Variants in HEATR1 observed in about 807,000 individuals in gnomAD.
HEATR1 encodes HEAT repeat containing 1.
Under a neutral mutation model 248.2 loss-of-function variants are expected in HEATR1, and 77 were observed. The ratio of observed to expected loss-of-function variants is 0.31; its 90% CI spans 0.26 to 0.37. The LOEUF (loss-of-function observed/expected upper bound fraction) is 0.37, where lower values mean the gene tolerates loss of function less well. HEATR1 is among the 10% of genes least tolerant of loss of function. The pLI, the probability that HEATR1 is intolerant of heterozygous loss-of-function variation, is 1.00. For missense variants in HEATR1, 2,420 were observed against 2,504.9 expected (o/e 0.97, Z 0.72); for synonymous variants, 897 against 923.1 (o/e 0.97, Z 0.51).
chr1:236,604,216 A>C, intron 1 of HEATR1, 89 bp from the exon 2 acceptor site: 1 of 1,035,950 alleles, frequency 9.7e-7, no homozygotes, highest in Non-Finnish European at 1.3e-6. Context: ...CAGCACCGTC[A>C]TGGACACACA....
At chr1:236,604,162 G>A (rs1309470929) in intron 1 of HEATR1, 35 bp from the exon 2 acceptor site, 2 of 1,480,082 alleles carry the variant, frequency 1.4e-6, no homozygotes, top group Non-Finnish European at 1.8e-6. Context: ...AAGTTTCTAC[G>A]AAATTATAAG....
At position 236,583,370 on chromosome 1, in the gene HEATR1, G is replaced by A. The variant is rs143593051; in HGVS notation, c.2242-174C>T. ...AAAGAGGTTTATCACTATTCACAAG[G>A]AAAGACAAAGTTAAATTTTATCTAT... is the stretch of plus-strand genomic sequence containing the variant. On this transcript the variant is annotated intron_variant, in intron 17 of 44. Coordinates refer to ENST00000366582, the MANE Select transcript of HEATR1 (RefSeq NM_018072.6). 4.7e-4 allele frequency among the ~76,000 whole-genome samples: 72 copies of A among 152,124 alleles called. 1 individual carries two copies. The highest frequency in any genetic ancestry group is 1.7e-3 in the African/African-American group (71 of 41,496).
chr1:236,599,031 T>C (rs1664249178), intron 4 of HEATR1, among the ~76,000 whole-genome samples: 1 of 152,234 alleles, frequency 6.6e-6, no homozygotes, highest in African/African-American at 2.4e-5. Context: ...TTGAAACCCC[T>C]GAAGTTATCC....
rs191931077 is a variant in HEATR1, at chr1:236,549,535, T to A, written c.*1367A>T. ...AATACCATTGTCAATCTTATTTTTTTAAAAGTACTCAGTGTAGAAATCGCT... is the reference window on the plus strand; with the variant it reads ...AATACCATTGTCAATCTTATTTTTTAAAAAGTACTCAGTGTAGAAATCGCT... On this transcript the variant is annotated 3_prime_UTR_variant, in exon 45 of 45. Transcript: ENST00000366582. The A allele has an allele frequency of 6.6e-6, 1 of 152,360 alleles. No individual in the cohort carries two copies. Among genetic ancestry groups the A allele is most frequent in the African/African-American group, 2.4e-5 (1 of 41,588 alleles). The allele number at this position is 152,360 out of a possible 1,614,324, so 9.4% of individuals were successfully genotyped here. A position where few individuals can be genotyped will look rare whatever the true frequency, so the allele number is the denominator to read the frequency against.
intron 36 of HEATR1, 83 bp downstream of exon 36, chr1:236,558,152 GAA>G (rs143450994): frequency 1.7e-3 from 1,896 of 1,105,190 alleles, no homozygotes; most frequent in South Asian, 2.8e-3. Flanking sequence ...CTACTCAGAG[GAA>G]AAAAAAAAAA....
chr1:236,578,225 G>A (rs143709419), intron 20 of HEATR1, among the ~76,000 whole-genome samples: 86 of 152,284 alleles, frequency 5.6e-4, no homozygotes, highest in African/African-American at 1.7e-3. Context: ...TGAGGTTGGA[G>A]TCAAACTTCC....
rs571363919 is a variant in HEATR1 at position 236,585,457 on chromosome 1, A to G, written c.2050-241T>C. Among the ~76,000 whole-genome samples, 76 of 152,310 alleles carry G rather than the reference A, an allele frequency of 5.0e-4. 2 individuals are homozygous for G. The South Asian group carries it at 0.015, about 30-fold the overall frequency. On this transcript the variant is annotated intron_variant, in intron 16 of 44. Transcript: ENST00000366582. ...ATTTAAATCACACATCTAATCCTTTACAAAGGTTTATTTAATAAGGCAAAG... is the reference window on the plus strand; with the variant it reads ...ATTTAAATCACACATCTAATCCTTTGCAAAGGTTTATTTAATAAGGCAAAG...
At chr1:236,553,784 T>C (rs772227503) in intron 42 of HEATR1, 45 bp from the exon 43 acceptor site, 11 of 1,556,336 alleles carry the variant, frequency 7.1e-6, no homozygotes, top group Non-Finnish European at 9.6e-6. Flanking sequence ...GTCTCATTTC[T>C]TTCTTCTGTT....
intron 31 of HEATR1, 55 bp from the exon 32 acceptor site, chr1:236,564,716 C>G: frequency 6.7e-7 from 1 of 1,487,028 alleles, no homozygotes; most frequent in Non-Finnish European, 9.2e-7. Flanking sequence ...ATCCTTCATA[C>G]AGAATTAACA....
At chr1:236,553,212 G>A (rs187522376) in intron 43 of HEATR1, among the ~76,000 whole-genome samples, 21 of 152,266 alleles carry the variant, frequency 1.4e-4, no homozygotes, top group Middle Eastern at 3.4e-3. Flanking sequence ...ACTATAGTGT[G>A]GATAAATTCA....
rs746559932 is a variant in HEATR1, at chr1:236,585,132, C to T, written c.2134G>A (p.Val712Ile). ...VTFHVILSVLVSCCSSLKETH... is the reference protein window; with the variant it reads ...VTFHVILSVLISCCSSLKETH... ...TCTTTTAAAGATGAACAACAAGAGACGAGCACAGACAGGATCACATGAAAC... is the reference window on the plus strand; with the variant it reads ...TCTTTTAAAGATGAACAACAAGAGATGAGCACAGACAGGATCACATGAAAC... Residue 712 changes from valine (V) to isoleucine (I), a missense_variant, in exon 17 of 45, where the codon GTC becomes ATC. Val to Ile is a conservative substitution (Grantham distance 29). Coordinates refer to ENST00000366582, the MANE Select transcript of HEATR1 (RefSeq NM_018072.6). The T allele has an allele frequency of 9.9e-6, 16 of 1,613,974 alleles. No individual in the cohort carries two copies. The highest frequency in any genetic ancestry group is 3.3e-5 in the South Asian group (3 of 91,068).
intron 2 of HEATR1, 72 bp downstream of exon 2, chr1:236,603,882 G>T (rs6650089): frequency 4.7e-5 from 42 of 884,242 alleles, no homozygotes; most frequent in Admixed American, 2.0e-4. Context: ...AAAACAAGGG[G>T]AAAAAAAAAA....
intron 3 of HEATR1, among the ~76,000 whole-genome samples, chr1:236,601,581 G>A (rs1328750033): frequency 6.6e-6 from 1 of 151,878 alleles, no homozygotes; most frequent in Non-Finnish European, 1.5e-5. Context: ...CTCGGCAGGA[G>A]GATCGCTTGA....
At position 236,572,410 on chromosome 1, in the gene HEATR1, C is replaced by A. The variant is rs1157546449; in HGVS notation, c.3707+1G>T. 1 of 1,613,878 alleles carries A rather than the reference C, an allele frequency of 6.2e-7. No individual in the cohort carries two copies. Among genetic ancestry groups the A allele is most frequent in the Non-Finnish European group, 8.5e-7 (1 of 1,179,870 alleles). Reference sequence around the variant, plus strand: ...CACAGATCAAAGCCAAGTGTCATTACCTTGATAGCAAGTTAAAAAGAGTTG... The same window carrying A: ...CACAGATCAAAGCCAAGTGTCATTAACTTGATAGCAAGTTAAAAAGAGTTG... On this transcript the variant is annotated splice_donor_variant, in intron 26 of 44. Coordinates refer to ENST00000366582, the MANE Select transcript of HEATR1 (RefSeq NM_018072.6). LOFTEE classifies it high-confidence loss of function.
At chr1:236,601,900 G>A (rs1664335283) in intron 3 of HEATR1, among the ~76,000 whole-genome samples, 2 of 151,462 alleles carry the variant, frequency 1.3e-5, no homozygotes, top group South Asian at 2.1e-4. Context: ...GGGAGGCTAA[G>A]ACGAGTGGAT....
Position 236,576,794 on chromosome 1 carries a change from C to T in HEATR1, c.2911G>A (p.Ala971Thr). Reference protein sequence around the residue: ...SKAEEITSDAAYVIQDLATLF... With the variant: ...SKAEEITSDATYVIQDLATLF... ...AACGAGCTTACCTGAATAACATAGG[C>T]AGCATCTGAAGTGATCTCCTCTGCT... Residue 971 changes from alanine to threonine, a missense_variant, in exon 21 of 45, where the codon GCC (alanine) becomes ACC (threonine). Coordinates refer to ENST00000366582, the MANE Select transcript of HEATR1 (RefSeq NM_018072.6). 6.2e-7 allele frequency: 1 copy of T among 1,611,534 alleles called. No individual in the cohort carries two copies. Among genetic ancestry groups the T allele is most frequent in the Non-Finnish European group, 8.5e-7 (1 of 1,179,070 alleles).
In HEATR1 at chr1:236,596,915, G is replaced by A; in HGVS notation, c.665C>T (p.Ser222Phe). The part of the protein sequence containing the change: ...QLRVLLAFYA[S>F]TIVSALVAAE... ...AGCTACCAGCGCCGACACTATGGTA[G>A]AAGCATAGAAAGCCAAGAGCACCCT... Residue 222 changes from serine (S) to phenylalanine (F), a missense_variant, in exon 6 of 45, where the codon TCT (serine) becomes TTT (phenylalanine). Coordinates refer to ENST00000366582, the MANE Select transcript of HEATR1 (RefSeq NM_018072.6). 6.2e-7 allele frequency: 1 copy of A among 1,614,098 alleles called. No homozygotes were observed. Among genetic ancestry groups the A allele is most frequent in the Admixed American group, 1.7e-5 (1 of 60,014 alleles).
intron 4 of HEATR1, among the ~76,000 whole-genome samples, chr1:236,599,239 G>A (rs79787210): frequency 0.03 from 4,569 of 152,200 alleles, 83 homozygotes; most frequent in Middle Eastern, 0.075. Context: ...GTCCTCATCT[G>A]TAAAAATGAA....
chr1:236,589,723 C>T (rs765689820), intron 12 of HEATR1, among the ~76,000 whole-genome samples: 63 of 152,154 alleles, frequency 4.1e-4, no homozygotes, highest in African/African-American at 1.0e-3. Context: ...CTCTGTTAAC[C>T]GCTTTACTCT....
Sources: allele counts gnomAD v4.1 joint callset (sites outside exome capture counted in the v4.1 genomes callset), GRCh38; gene constraint gnomAD v4.1.1; transcripts MANE v1.5; gene names NCBI Gene and HGNC (gene_info 2026-07-23, HGNC 2026-07-21).